MAMDC2: variants seen among roughly 807,000 people sequenced by gnomAD.
MAMDC2 encodes MAM domain containing 2.
Under a neutral mutation model 89.8 loss-of-function variants are expected in MAMDC2, and 57 were observed. That is an observed-to-expected ratio of 0.63 (90% CI 0.51 to 0.79). The LOEUF is 0.79. Among genes scored for constraint, MAMDC2 ranks in the 30% least tolerant of loss-of-function variants. The probability of loss-of-function intolerance (pLI) is 0.00; values close to 1 mark genes in which losing one functional copy is unlikely to be tolerated. For synonymous variants in MAMDC2, 313 were observed against 293.4 expected (o/e 1.07, Z -0.68); for missense variants, 800 against 820.6 (o/e 0.97, Z 0.31).
At chr9:70,106,249 G>A (rs1828337262) in intron 2 of MAMDC2, among the ~76,000 whole-genome samples, 1 of 152,158 alleles carries the variant, frequency 6.6e-6, no homozygotes, top group East Asian at 1.9e-4. Context: ...GGAGGCTGGG[G>A]AAGTACCCAG....
chr9:70,125,932 C>G (rs527543057), intron 5 of MAMDC2, among the ~76,000 whole-genome samples: 5 of 152,270 alleles, frequency 3.3e-5, no homozygotes, highest in African/African-American at 1.2e-4. Flanking sequence ...AAGGAATGGT[C>G]TCATCCTGTA....
chr9:70,093,073 A>T lies in MAMDC2; in HGVS notation c.149-15138A>T, dbSNP rs146531182. ...CCCATACATACATACACACATATGT[A>T]TATATGTGTGTGTGTATATATATTT... On this transcript the variant is annotated intron_variant, in intron 2 of 13. Coordinates refer to ENST00000377182, the MANE Select transcript of MAMDC2 (RefSeq NM_153267.5). Among the ~76,000 whole-genome samples, 560 of 152,288 alleles carry T rather than the reference A, an allele frequency of 3.7e-3. 5 individuals carry two copies. The highest frequency in any genetic ancestry group is 0.013 in the African/African-American group (537 of 41,564).
chr9:70,137,973 G>A (rs1167399508), intron 7 of MAMDC2, among the ~76,000 whole-genome samples: 1 of 152,184 alleles, frequency 6.6e-6, no homozygotes, highest in Non-Finnish European at 1.5e-5. Context: ...ATTGCATAGT[G>A]TTAAGTGAGG....
chr9:70,095,267 T>C (rs1827999607), intron 2 of MAMDC2, among the ~76,000 whole-genome samples: 1 of 152,144 alleles, frequency 6.6e-6, no homozygotes, highest in African/African-American at 2.4e-5. Context: ...TGGGAAATGA[T>C]GTGAGCAGAT....
At chr9:70,115,226 A>G (rs963310233) in intron 5 of MAMDC2, among the ~76,000 whole-genome samples, 2 of 152,206 alleles carry the variant, frequency 1.3e-5, no homozygotes, top group Non-Finnish European at 2.9e-5. Context: ...GAGCAAGAGT[A>G]CAGAAGAATC....
At chr9:70,107,910 A>C (rs953399105) in intron 2 of MAMDC2, among the ~76,000 whole-genome samples, 1 of 152,178 alleles carries the variant, frequency 6.6e-6, no homozygotes, top group African/African-American at 2.4e-5. Context: ...AAGCAGAGAC[A>C]CTCAGTGTGA....
Position 70,044,087 on chromosome 9 carries a change from C to T in MAMDC2, c.-111C>T, listed in dbSNP as rs1027165206. ...AAGCTTTGCCTCTCGACTTCTCCCT[C>T]CTTGGGTCCCCGGCGCCCCCGCCTC... is the stretch of plus-strand genomic sequence containing the variant. On this transcript the variant is annotated 5_prime_UTR_variant, in exon 1 of 14. Coordinates refer to ENST00000377182, the MANE Select transcript of MAMDC2 (RefSeq NM_153267.5). The T allele has an allele frequency of 7.5e-7, 1 of 1,329,874 alleles. No homozygotes were observed. Among genetic ancestry groups the T allele is most frequent in the Non-Finnish European group, 1.1e-6 (1 of 938,276 alleles). 82.4% of individuals were successfully genotyped at this position (1,329,874 alleles called of 1,614,324 possible).
At chr9:70,085,666 CTT>C (rs1827753960) in intron 2 of MAMDC2, 1 of 152,216 alleles carries the variant, frequency 6.6e-6, no homozygotes, top group African/African-American at 2.4e-5. Context: ...CTGCCTGCCT[CTT>C]GTCTTGACTC....
rs771068506 is a variant in MAMDC2 at position 70,143,766 on chromosome 9, A to G, written c.1351A>G (p.Arg451Gly). The change falls in exon 9 of 14, where the codon AGG (arginine) becomes GGG (glycine). Residue 451 changes from arginine to glycine, a missense_variant. Physicochemically the swap from Arg to Gly is moderately radical, Grantham distance 125. Transcript: ENST00000377182. Reference protein sequence around the residue: ...EKIWSVLESPRGVWMQAEITF... With the variant: ...EKIWSVLESPGGVWMQAEITF... ...GATCTGGTCTGTGTTGGAGTCCCCA[A>G]GGGGTGTTTGGATGCAAGCTGAAAT... 32 of 1,614,174 alleles carry G rather than the reference A, an allele frequency of 2.0e-5. No homozygotes were observed. Among genetic ancestry groups the G allele is most frequent in the South Asian group, 3.3e-5 (3 of 91,074 alleles).
rs775750780 is a variant in MAMDC2, at chr9:70,109,815, T to C, written c.505+11T>C. 2.6e-5 allele frequency: 42 copies of C among 1,594,218 alleles called. No individual in the cohort carries two copies. The highest frequency in any genetic ancestry group is 3.6e-5 in the Non-Finnish European group (42 of 1,162,642). ...CCGGCTACTGTATTGGTAAGTGGGC[T>C]TCATTTTCATTAAATCAAATTGTGA... On this transcript the variant is annotated intron_variant, in intron 4 of 13. Transcript: ENST00000377182.
At chr9:70,215,484 G>A (rs1345539328) in intron 11 of MAMDC2, among the ~76,000 whole-genome samples, 1 of 152,206 alleles carries the variant, frequency 6.6e-6, no homozygotes, top group Non-Finnish European at 1.5e-5. Context: ...TAACATACCA[G>A]ATCAAAGACA....
chr9:70,118,962 A>C (rs776144853), intron 5 of MAMDC2, among the ~76,000 whole-genome samples: 2 of 152,122 alleles, frequency 1.3e-5, no homozygotes, highest in Non-Finnish European at 2.9e-5. Context: ...TGTTCCCCCA[A>C]ATTAGTGTCT....
intron 2 of MAMDC2, among the ~76,000 whole-genome samples, chr9:70,080,393 C>T (rs1827626550): frequency 6.6e-6 from 1 of 152,208 alleles, no homozygotes; most frequent in East Asian, 1.9e-4. Flanking sequence ...GAGATCTGCA[C>T]ATTCATACAT....
intron 7 of MAMDC2, among the ~76,000 whole-genome samples, chr9:70,139,664 A>G (rs145492599): frequency 6.6e-5 from 10 of 152,088 alleles, no homozygotes; most frequent in Admixed American, 6.6e-4. Flanking sequence ...TCAATTGGTA[A>G]TTCTAGTTCT....
intron 11 of MAMDC2, among the ~76,000 whole-genome samples, chr9:70,194,868 C>G (rs1488604180): frequency 6.6e-6 from 1 of 151,916 alleles, no homozygotes; most frequent in Non-Finnish European, 1.5e-5. Context: ...TTAGTAGAAA[C>G]CAGAAATTCT....
intron 5 of MAMDC2, among the ~76,000 whole-genome samples, chr9:70,113,474 G>A (rs1483258952): frequency 6.6e-6 from 1 of 152,170 alleles, no homozygotes; most frequent in African/African-American, 2.4e-5. Context: ...CTAAAGACAA[G>A]GCTGGAAAAA....
chr9:70,087,989 A>G (rs1314518918), intron 2 of MAMDC2, among the ~76,000 whole-genome samples: 1 of 152,162 alleles, frequency 6.6e-6, no homozygotes, highest in Non-Finnish European at 1.5e-5. Context: ...ATTTAAACAT[A>G]TCTAAATTTT....
At chr9:70,103,738 T>C (rs1387829707) in intron 2 of MAMDC2, among the ~76,000 whole-genome samples, 1 of 151,876 alleles carries the variant, frequency 6.6e-6, no homozygotes, top group African/African-American at 2.4e-5. Context: ...TCCTAGCACT[T>C]TGGGAGGCCG....
At chr9:70,180,213 A>G (rs936482305) in intron 11 of MAMDC2, among the ~76,000 whole-genome samples, 11 of 152,126 alleles carry the variant, frequency 7.2e-5, no homozygotes, top group Admixed American at 7.2e-4. Flanking sequence ...TTATGGCTGC[A>G]TAGTATTTCA....
Sources: gnomAD v4.1 joint callset for allele counts (sites outside exome capture counted in the v4.1 genomes callset) on GRCh38, gnomAD v4.1.1 for gene constraint, MANE v1.5 for transcripts, NCBI Gene and HGNC (gene_info 2026-07-23, HGNC 2026-07-21) for gene names.